Variants in MIPOL1 observed in about 807,000 individuals in gnomAD.
MIPOL1 encodes mirror-image polydactyly 1.
In MIPOL1, 57 loss-of-function variants were observed where a neutral mutation model predicts 60.9. That is an observed-to-expected ratio of 0.94 (90% CI 0.76 to 1.17). MIPOL1 has a LOEUF of 1.17. Among genes scored for constraint, MIPOL1 ranks in the 50% most tolerant of loss-of-function variants. The pLI, the probability that MIPOL1 is intolerant of heterozygous loss-of-function variation, is 0.00. For synonymous variants in MIPOL1, 179 were observed against 168.8 expected, an observed-to-expected ratio of 1.06 and a Z score of -0.47; for missense variants, 551 against 511.6, an observed-to-expected ratio of 1.08 and a Z score of -0.74.
chr14:37,524,186 A>G (rs2095431456), intron 12 of MIPOL1, among the ~76,000 whole-genome samples: 1 of 152,196 alleles, frequency 6.6e-6, no homozygotes, highest in Admixed American at 6.5e-5. Flanking sequence ...TTTTTAAAAG[A>G]CTAACACTGA....
chr14:37,525,096 T>C (rs1566774485), intron 12 of MIPOL1, among the ~76,000 whole-genome samples: 1 of 152,136 alleles, frequency 6.6e-6, no homozygotes. Flanking sequence ...TGAAGGTACT[T>C]AGAGAATTAT....
At chr14:37,451,642 A>T (rs1333853124) in intron 11 of MIPOL1, among the ~76,000 whole-genome samples, 1 of 152,106 alleles carries the variant, frequency 6.6e-6, no homozygotes, top group African/African-American at 2.4e-5. Context: ...CATTTATGAT[A>T]GAAAAAGCAT....
At chr14:37,525,588 T>G (rs1336454202) in intron 12 of MIPOL1, among the ~76,000 whole-genome samples, 4 of 152,202 alleles carry the variant, frequency 2.6e-5, no homozygotes, top group Admixed American at 6.5e-5. Flanking sequence ...CCCTTGGGTT[T>G]ATGTGTGTTT....
intron 10 of MIPOL1, chr14:37,397,097 T>TG (rs2093385469): frequency 6.6e-6 from 1 of 152,210 alleles, no homozygotes; most frequent in Non-Finnish European, 1.5e-5. Context: ...CCTTCTCATT[T>TG]GGGTAAGCTC....
chr14:37,382,771 T>A (rs2092959202), intron 10 of MIPOL1, among the ~76,000 whole-genome samples: 1 of 151,880 alleles, frequency 6.6e-6, no homozygotes. Context: ...TCTCATCAAA[T>A]CCCCTTAATT....
At chr14:37,462,643 C>T (rs2094553121) in intron 11 of MIPOL1, among the ~76,000 whole-genome samples, 1 of 152,174 alleles carries the variant, frequency 6.6e-6, no homozygotes, top group Non-Finnish European at 1.5e-5. Flanking sequence ...TGCTTTGCTG[C>T]TTAGAAATTT....
chr14:37,335,791 A>G lies in MIPOL1; in HGVS notation c.828+27272A>G, dbSNP rs114115328. Reference sequence around the variant, plus strand: ...TTAAGCTGGATTTGTTATTGTTTGTATATTCTGGATTAAACTCCTTATTTG... The same window carrying G: ...TTAAGCTGGATTTGTTATTGTTTGTGTATTCTGGATTAAACTCCTTATTTG... On this transcript the variant is annotated intron_variant, in intron 9 of 12. Coordinates refer to ENST00000684589, the MANE Select transcript of MIPOL1 (RefSeq NM_001388067.1). Among the ~76,000 whole-genome samples the G allele has an allele frequency of 1.7e-3, 255 of 152,162 alleles. 1 individual carries two copies. Among genetic ancestry groups the G allele is most frequent in the African/African-American group, 5.8e-3 (241 of 41,544 alleles).
chr14:37,367,120 A>G (rs2092497417), intron 9 of MIPOL1, among the ~76,000 whole-genome samples: 2 of 152,070 alleles, frequency 1.3e-5, no homozygotes, highest in Admixed American at 6.6e-5. Flanking sequence ...TTATGAAATT[A>G]TAGAGTGACA....
chr14:37,302,244 C>A lies in MIPOL1; in HGVS notation c.624-5812C>A, dbSNP rs184759104. ...TGTTGCTGTATATCCAAGGAATATACAAGCATTTGGAACTGTTGTTTTTTT... is the reference window on the plus strand; with the variant it reads ...TGTTGCTGTATATCCAAGGAATATAAAAGCATTTGGAACTGTTGTTTTTTT... On this transcript the variant is annotated intron_variant, in intron 7 of 12. Transcript: ENST00000684589. 1.6e-3 allele frequency among the ~76,000 whole-genome samples: 227 copies of A among 139,186 alleles called. 1 individual carries two copies. Among genetic ancestry groups the A allele is most frequent in the African/African-American group, 5.7e-3 (215 of 37,988 alleles). 91.3% of individuals were successfully genotyped at this position (139,186 alleles called of 152,430 possible). A position where few individuals can be genotyped will look rare whatever the true frequency, so the allele number is the denominator to read the frequency against.
At chr14:37,319,274 A>G (rs1291357278) in intron 9 of MIPOL1, among the ~76,000 whole-genome samples, 2 of 152,326 alleles carry the variant, frequency 1.3e-5, no homozygotes, top group South Asian at 2.1e-4. Flanking sequence ...AATTCCCAGG[A>G]ATGAAAAGGA....
intron 9 of MIPOL1, among the ~76,000 whole-genome samples, chr14:37,327,508 G>A (rs1009094187): frequency 3.9e-5 from 6 of 152,210 alleles, no homozygotes; most frequent in East Asian, 1.9e-4. Context: ...AGCTGGTCTC[G>A]AATTGGGCTT....
chr14:37,499,166 A>G (rs111834907), intron 11 of MIPOL1, among the ~76,000 whole-genome samples: 3,122 of 152,246 alleles, frequency 0.021, 46 homozygotes, highest in Non-Finnish European at 0.031. Flanking sequence ...TGCCATTTCA[A>G]AATAACCTCA....
intron 12 of MIPOL1, among the ~76,000 whole-genome samples, chr14:37,531,260 C>T (rs554392708): frequency 2.8e-4 from 43 of 152,192 alleles, no homozygotes; most frequent in African/African-American, 9.6e-4. Context: ...ACTATATTCG[C>T]CCTTGTACCT....
intron 9 of MIPOL1, among the ~76,000 whole-genome samples, chr14:37,323,397 A>G (rs1334570282): frequency 6.6e-6 from 1 of 152,080 alleles, no homozygotes; most frequent in African/African-American, 2.4e-5. Flanking sequence ...TATAGTTTGA[A>G]GTCAGTTAGC....
In MIPOL1 at chr14:37,444,391, G is replaced by A. The variant is rs181247286; in HGVS notation, c.1031+21442G>A. 2.0e-3 allele frequency among the ~76,000 whole-genome samples: 301 copies of A among 152,144 alleles called. 2 individuals are homozygous for A. The highest frequency in any genetic ancestry group is 6.8e-3 in the African/African-American group (282 of 41,540). On this transcript the variant is annotated intron_variant, in intron 11 of 12. Coordinates refer to ENST00000684589, the MANE Select transcript of MIPOL1 (RefSeq NM_001388067.1). Reference sequence around the variant, plus strand: ...ACAATTATGGAAGACCCATGTAAACGGAGAATTACATAGTGTTCATAAATG... The same window carrying A: ...ACAATTATGGAAGACCCATGTAAACAGAGAATTACATAGTGTTCATAAATG...
chr14:37,328,829 A>T lies in MIPOL1; in HGVS notation c.828+20310A>T, dbSNP rs560055262. Among the ~76,000 whole-genome samples, 58 of 152,294 alleles carry T rather than the reference A, an allele frequency of 3.8e-4. 1 individual carries two copies. Among genetic ancestry groups the T allele is most frequent in the Admixed American group, 1.8e-3 (28 of 15,282 alleles). On this transcript the variant is annotated intron_variant, in intron 9 of 12. Transcript: ENST00000684589. ...CCTTTTCTCCTGCATCTGAAGTAAC[A>T]GTGTGTGAGAGAAGGAGCATGCTCA...
intron 9 of MIPOL1, among the ~76,000 whole-genome samples, chr14:37,361,660 C>T (rs1464033494): frequency 9.1e-6 from 1 of 109,752 alleles, no homozygotes; most frequent in Non-Finnish European, 1.7e-5. Context: ...GTCTGAAGGG[C>T]AGTGGCTCGA....
chr14:37,445,297 A>G (rs1282667240), intron 11 of MIPOL1, among the ~76,000 whole-genome samples: 2 of 152,176 alleles, frequency 1.3e-5, no homozygotes, highest in Non-Finnish European at 2.9e-5. Flanking sequence ...CAGAGAACCA[A>G]ATCATGAGTG....
At chr14:37,354,225 G>T (rs1411213727) in intron 9 of MIPOL1, among the ~76,000 whole-genome samples, 3 of 151,770 alleles carry the variant, frequency 2.0e-5, no homozygotes, top group Non-Finnish European at 4.4e-5. Context: ...TTTTGAGTGT[G>T]ATTCTTAATC....
Sources: allele counts gnomAD v4.1 joint callset (sites outside exome capture counted in the v4.1 genomes callset), GRCh38; gene constraint gnomAD v4.1.1; transcripts MANE v1.5; gene names NCBI Gene and HGNC (gene_info 2026-07-23, HGNC 2026-07-21).